NUDCD1: variants seen among roughly 807,000 people sequenced by gnomAD.
NUDCD1 encodes the protein nudC domain-containing protein 1.
Under a neutral mutation model 67.8 loss-of-function variants are expected in NUDCD1, and 60 were observed. The observed-to-expected ratio is 0.88, with a 90% CI of 0.72 to 1.10. The LOEUF (loss-of-function observed/expected upper bound fraction) is 1.10. Among genes scored for constraint, NUDCD1 ranks in the 50% least tolerant of loss-of-function variants. NUDCD1 has a pLI of 0.00. For synonymous variants in NUDCD1, 244 were observed against 230.8 expected, an observed-to-expected ratio of 1.06 and a Z score of -0.52; for missense variants, 643 against 695.0, an observed-to-expected ratio of 0.93 and a Z score of 0.84.
At chr8:109,249,525 C>A (rs1813575262) in intron 8 of NUDCD1, among the ~76,000 whole-genome samples, 1 of 152,148 alleles carries the variant, frequency 6.6e-6, no homozygotes. Flanking sequence ...ATGAGAAATA[C>A]AGAATTCATT....
At chr8:109,250,624 C>A (rs1813602022) in intron 8 of NUDCD1, among the ~76,000 whole-genome samples, 1 of 152,172 alleles carries the variant, frequency 6.6e-6, no homozygotes, top group African/African-American at 2.4e-5. Flanking sequence ...TCTAGGGTTT[C>A]TGATGAGGCA....
At chr8:109,330,033 A>G in intron 1 of NUDCD1, 1 of 644,052 alleles carries the variant, frequency 1.6e-6, no homozygotes, top group South Asian at 5.8e-5. Flanking sequence ...AACATGAAAG[A>G]ATGAAGTATG....
chr8:109,321,431 T>C (rs1349050988), intron 2 of NUDCD1, among the ~76,000 whole-genome samples: 1 of 152,174 alleles, frequency 6.6e-6, no homozygotes, highest in Non-Finnish European at 1.5e-5. Context: ...CTATAACCTC[T>C]GTATCAACCA....
In NUDCD1 at chr8:109,281,015, T is replaced by C; in HGVS notation, c.981A>G (p.Ser327=). 6.2e-7 allele frequency: 1 copy of C among 1,609,938 alleles called. No individual in the cohort carries two copies. The highest frequency in any genetic ancestry group is 8.5e-7 in the Non-Finnish European group (1 of 1,176,462). ...DHQFLEGKLY[S]SIDHESSTWI... ...ATGTACTGCTTTCATGATCAATAGA[T>C]GAATAGAGTTTTCCTTCTAAAAACT... Residue 327 remains serine, a synonymous_variant, in exon 6 of 10, where the codon TCA becomes TCG. Transcript: ENST00000239690.
At chr8:109,260,224 C>T (rs929121125) in intron 8 of NUDCD1, among the ~76,000 whole-genome samples, 1 of 152,226 alleles carries the variant, frequency 6.6e-6, no homozygotes, top group Non-Finnish European at 1.5e-5. Context: ...AGGTCTCACT[C>T]TGTTGTAGGT....
Position 109,292,783 on chromosome 8 carries a change from G to A in NUDCD1, c.640+561C>T, listed in dbSNP as rs929480823. Among the ~76,000 whole-genome samples, 38 of 152,014 alleles carry A rather than the reference G, an allele frequency of 2.5e-4. 2 individuals carry two copies. The highest frequency in any genetic ancestry group is 2.2e-3 in the Admixed American group (34 of 15,242). On this transcript the variant is annotated intron_variant, in intron 4 of 9. Transcript: ENST00000239690. ...ATTTTTAATGTCAAGTTAGAAGCTT[G>A]ACAGACAGCTTCAAACAGACCAAAG... is the stretch of plus-strand genomic sequence containing the variant.
chr8:109,259,257 T>C (rs1053293129), intron 8 of NUDCD1, among the ~76,000 whole-genome samples: 2 of 152,246 alleles, frequency 1.3e-5, no homozygotes, highest in African/African-American at 4.8e-5. Context: ...ACTGGCCATC[T>C]CCACATTTCC....
rs1813416585 is a variant in NUDCD1, at chr8:109,243,274, T to G, written c.1487A>C (p.Lys496Thr). 6.2e-7 allele frequency: 1 copy of G among 1,601,028 alleles called. No homozygotes were observed. The highest frequency in any genetic ancestry group is 8.5e-7 in the Non-Finnish European group (1 of 1,170,294). The change falls in exon 10 of 10, where the codon AAA (lysine) becomes ACA (threonine). Residue 496 changes from lysine to threonine, a missense_variant. Physicochemically the swap from Lys to Thr is moderately conservative, Grantham distance 78 (BLOSUM62 -1). Coordinates refer to ENST00000239690, the MANE Select transcript of NUDCD1 (RefSeq NM_032869.4). ...LGYVQASKRD[K>T]KFFACAPNYS... Reference sequence around the variant, plus strand: ...ATTTGGAGCACAGGCAAAAAATTTTTTGTCTCTCTTTGATGCTTGGACATA... The same window carrying G: ...ATTTGGAGCACAGGCAAAAAATTTTGTGTCTCTCTTTGATGCTTGGACATA...
intron 2 of NUDCD1, among the ~76,000 whole-genome samples, chr8:109,305,276 C>T (rs968502134): frequency 1.3e-5 from 2 of 152,174 alleles, no homozygotes; most frequent in Non-Finnish European, 2.9e-5. Flanking sequence ...GCCTTTCCCA[C>T]AGGGTCTGAG....
Position 109,281,143 on chromosome 8 carries a change from C to T in NUDCD1, c.853G>A (p.Asp285Asn), listed in dbSNP as rs748431694. 3.6e-5 allele frequency: 58 copies of T among 1,612,710 alleles called. No homozygotes were observed. The highest frequency in any genetic ancestry group is 4.4e-5 in the Non-Finnish European group (52 of 1,179,196). ...EPLYYWQQTE[D>N]DLTVTIRLPE... ...AGCCGTATGGTTACTGTCAAATCAT[C>T]TTCAGTCTGTTGCCAGTAATACAGA... Residue 285 changes from aspartate (D) to asparagine (N), a missense_variant, in exon 6 of 10, where the codon GAT (aspartate) becomes AAT (asparagine). Physicochemically the swap from Asp to Asn is conservative, Grantham distance 23. Coordinates refer to ENST00000239690, the MANE Select transcript of NUDCD1 (RefSeq NM_032869.4).
At chr8:109,261,755 T>TCTA in intron 8 of NUDCD1, among the ~76,000 whole-genome samples, 1 of 152,104 alleles carries the variant, frequency 6.6e-6, no homozygotes, top group Admixed American at 6.6e-5. Context: ...ATAAAAGACT[T>TCTA]CTACTTAAAC....
intron 5 of NUDCD1, among the ~76,000 whole-genome samples, chr8:109,284,569 C>T (rs916341411): frequency 6.6e-6 from 1 of 151,904 alleles, no homozygotes; most frequent in Non-Finnish European, 1.5e-5. Context: ...TGAAATCATA[C>T]CAATCATACT....
chr8:109,246,148 C>T (rs1417846306), intron 8 of NUDCD1, among the ~76,000 whole-genome samples: 1 of 152,118 alleles, frequency 6.6e-6, no homozygotes, highest in Admixed American at 6.6e-5. Context: ...TCCCTGGTGC[C>T]AAAAAGGTTG....
intron 1 of NUDCD1, among the ~76,000 whole-genome samples, chr8:109,328,464 T>G (rs1384954343): frequency 6.6e-6 from 1 of 152,144 alleles, no homozygotes; most frequent in Non-Finnish European, 1.5e-5. Context: ...TCTGAGAGTC[T>G]GCCTCAAGTA....
chr8:109,318,743 AT>A (rs1815461764), intron 2 of NUDCD1, among the ~76,000 whole-genome samples: 1 of 152,184 alleles, frequency 6.6e-6, no homozygotes, highest in Non-Finnish European at 1.5e-5. Context: ...TAAACACTGC[AT>A]TGCCAATACA....
intron 2 of NUDCD1, among the ~76,000 whole-genome samples, chr8:109,319,588 A>G (rs1225887196): frequency 1.3e-5 from 2 of 152,224 alleles, no homozygotes; most frequent in African/African-American, 4.8e-5. Flanking sequence ...AAGCAGACTG[A>G]CACTGAATTA....
chr8:109,305,785 C>T (rs1815088665), intron 2 of NUDCD1, among the ~76,000 whole-genome samples: 1 of 152,010 alleles, frequency 6.6e-6, no homozygotes, highest in African/African-American at 2.4e-5. Context: ...CTATAGTACC[C>T]CAACGGCTGT....
chr8:109,287,541 G>A (rs1311019309), intron 5 of NUDCD1, among the ~76,000 whole-genome samples: 1 of 152,154 alleles, frequency 6.6e-6, no homozygotes, highest in Non-Finnish European at 1.5e-5. Context: ...TGCAGGAACA[G>A]AAAACCAAAT....
intron 2 of NUDCD1, among the ~76,000 whole-genome samples, chr8:109,304,606 C>T (rs1815062151): frequency 6.6e-6 from 1 of 152,174 alleles, no homozygotes; most frequent in African/African-American, 2.4e-5. Flanking sequence ...TCCTGCACCA[C>T]CATGCTGTTA....
Sources: allele counts gnomAD v4.1 joint callset (sites outside exome capture counted in the v4.1 genomes callset), GRCh38; gene constraint gnomAD v4.1.1; transcripts MANE v1.5; gene names NCBI Gene and HGNC (gene_info 2026-07-23, HGNC 2026-07-21).